Variants in RAB11A observed in about 807,000 individuals in gnomAD.
RAB11A encodes RAB11A, member RAS oncogene family.
In RAB11A, 9 loss-of-function variants were observed where a neutral mutation model predicts 28.0. The observed-to-expected ratio is 0.32, with a 90% CI of 0.19 to 0.56. The LOEUF is 0.56. RAB11A is among the 20% of genes least tolerant of loss of function. The probability of loss-of-function intolerance (pLI) is 0.91; values close to 1 mark genes in which losing one functional copy is unlikely to be tolerated. For synonymous variants in RAB11A, 85 were observed against 88.2 expected (o/e 0.96, Z 0.20); for missense variants, 108 against 269.6 (o/e 0.40, Z 4.20).
At position 65,869,530 on chromosome 15, in the gene RAB11A, C is replaced by A; in HGVS notation, c.-56C>A. On this transcript the variant is annotated 5_prime_UTR_variant, in exon 1 of 5. Coordinates refer to ENST00000261890, the MANE Select transcript of RAB11A (RefSeq NM_004663.5). The stretch of plus-strand genomic sequence containing the variant: ...GCTCGGGTTACCCCTGCAGCGACGC[C>A]CCCTGGTCCCACAGATACCACTGCT... 2 of 1,595,840 alleles carry A rather than the reference C, an allele frequency of 1.3e-6. No homozygotes were observed. The highest frequency in any genetic ancestry group is 1.7e-6 in the Non-Finnish European group (2 of 1,172,946).
rs775051038 is a variant in RAB11A, at chr15:65,869,574, C to T, written c.-12C>T. The T allele has an allele frequency of 5.6e-6, 9 of 1,610,444 alleles. No homozygotes were observed. In the African/African-American group the frequency reaches 1.1e-4, roughly 19 times the overall value. ...CACTGCTGCTCCCGCCCTTTCGCTC[C>T]TCGGCCGCGCAATGGGCACCCGCGA... On this transcript the variant is annotated 5_prime_UTR_variant, in exon 1 of 5. Transcript: ENST00000261890.
intron 1 of RAB11A, among the ~76,000 whole-genome samples, chr15:65,876,448 C>T (rs2078191903): frequency 6.6e-6 from 1 of 152,012 alleles, no homozygotes; most frequent in Admixed American, 6.6e-5. Context: ...ATGCGCCCAC[C>T]ACCACACCTG....
At chr15:65,884,302 T>G (rs1042909663) in intron 4 of RAB11A, among the ~76,000 whole-genome samples, 1 of 152,224 alleles carries the variant, frequency 6.6e-6, no homozygotes, top group Non-Finnish European at 1.5e-5. Context: ...AACTTGCATC[T>G]TTAAGCTTTC....
At chr15:65,872,917 G>T (rs989231747) in intron 1 of RAB11A, among the ~76,000 whole-genome samples, 1 of 152,284 alleles carries the variant, frequency 6.6e-6, no homozygotes, top group East Asian at 1.9e-4. Context: ...GAGATGGACT[G>T]CAGCTGTTTC....
intron 1 of RAB11A, chr15:65,869,865 C>T (rs1320165042): frequency 5.4e-6 from 2 of 371,482 alleles, no homozygotes; most frequent in Non-Finnish European, 9.6e-6. Flanking sequence ...GAGCCCCTCC[C>T]TGCGTGTCCT....
rs1449374167 is a variant in RAB11A at position 65,888,804 on chromosome 15, A to G, written c.*964A>G. 6.6e-6 allele frequency: 1 copy of G among 152,534 alleles called. No homozygotes were observed. The highest frequency in any genetic ancestry group is 2.4e-5 in the African/African-American group (1 of 41,422). 9.4% of individuals were successfully genotyped at this position (152,534 alleles called of 1,614,324 possible). A position where few individuals can be genotyped will look rare whatever the true frequency, so the allele number is the denominator to read the frequency against. ...GGATAATTATTTTAACAATGCTAATATTTGAGTTTTGCAGTATATTATAGA... is the reference window on the plus strand; with the variant it reads ...GGATAATTATTTTAACAATGCTAATGTTTGAGTTTTGCAGTATATTATAGA... On this transcript the variant is annotated 3_prime_UTR_variant, in exon 5 of 5. Coordinates refer to ENST00000261890, the MANE Select transcript of RAB11A (RefSeq NM_004663.5).
Position 65,879,755 on chromosome 15 carries a change from A to C in RAB11A, c.511+4A>C. The stretch of plus-strand genomic sequence containing the variant: ...GCTTTTCAGACAATTTTAACAGGTA[A>C]GACTTGTATTTTCAGATTACACCAG... On this transcript the variant is annotated splice_donor_region_variant and intron_variant, in intron 4 of 4. Coordinates refer to ENST00000261890, the MANE Select transcript of RAB11A (RefSeq NM_004663.5). The C allele has an allele frequency of 7.7e-6, 12 of 1,554,240 alleles. No individual in the cohort carries two copies. Among genetic ancestry groups the C allele is most frequent in the Non-Finnish European group, 1.1e-5 (12 of 1,127,796 alleles).
intron 4 of RAB11A, among the ~76,000 whole-genome samples, chr15:65,887,092 T>C (rs2078260301): frequency 6.6e-6 from 1 of 152,218 alleles, no homozygotes; most frequent in Non-Finnish European, 1.5e-5. Flanking sequence ...TTTGTTTGTT[T>C]TTTGGGGTAA....
At chr15:65,870,774 A>C (rs1270607936) in intron 1 of RAB11A, among the ~76,000 whole-genome samples, 1 of 152,146 alleles carries the variant, frequency 6.6e-6, no homozygotes, top group Non-Finnish European at 1.5e-5. Context: ...ATTATAAGAT[A>C]CGGAAACATG....
At chr15:65,885,829 A>G (rs111460441) in intron 4 of RAB11A, among the ~76,000 whole-genome samples, 33 of 152,384 alleles carry the variant, frequency 2.2e-4, no homozygotes, top group African/African-American at 6.5e-4. Flanking sequence ...GGGGAGAACC[A>G]GAGAGATGAC....
At chr15:65,885,743 A>C (rs760116967) in intron 4 of RAB11A, among the ~76,000 whole-genome samples, 1 of 152,322 alleles carries the variant, frequency 6.6e-6, no homozygotes, top group Non-Finnish European at 1.5e-5. Context: ...TGGAAAATCA[A>C]CTCACAAAAG....
intron 4 of RAB11A, among the ~76,000 whole-genome samples, chr15:65,883,455 T>G (rs1216081473): frequency 6.6e-6 from 1 of 152,254 alleles, no homozygotes; most frequent in African/African-American, 2.4e-5. Context: ...TCTCAGTGCA[T>G]CATATCAGCA....
chr15:65,879,689 T>C lies in RAB11A; in HGVS notation c.449T>C (p.Phe150Ser), dbSNP rs1412602889. Residue 150 changes from phenylalanine to serine, a missense_variant, in exon 4 of 5, where the codon TTC becomes TCC. Around this residue, in one of 2 missense-constraint regions of RAB11A, gnomAD observed 85 missense variants for 145.9 expected, o/e 0.58. Coordinates refer to ENST00000261890, the MANE Select transcript of RAB11A (RefSeq NM_004663.5). ...CCCTCAGAAAAGAATGGTTTGTCAT[T>C]CATTGAAACTTCGGCCCTAGACTCT... is the stretch of plus-strand genomic sequence containing the variant. ...RAFAEKNGLS[F>S]IETSALDSTN... The C allele has an allele frequency of 6.3e-7, 1 of 1,596,502 alleles. No homozygotes were observed. The highest frequency in any genetic ancestry group is 8.6e-7 in the Non-Finnish European group (1 of 1,165,602).
At chr15:65,883,863 A>G (rs2078237462) in intron 4 of RAB11A, among the ~76,000 whole-genome samples, 1 of 152,124 alleles carries the variant, frequency 6.6e-6, no homozygotes, top group Non-Finnish European at 1.5e-5. Context: ...TGCTTTTGGT[A>G]TGTCAGAAAA....
At chr15:65,871,817 C>T (rs2078162617) in intron 1 of RAB11A, among the ~76,000 whole-genome samples, 1 of 147,880 alleles carries the variant, frequency 6.8e-6, no homozygotes, top group Non-Finnish European at 1.5e-5. Flanking sequence ...ATACCTGCCT[C>T]TTAAGATTGT....
At chr15:65,875,139 C>T (rs953314895) in intron 1 of RAB11A, among the ~76,000 whole-genome samples, 17 of 152,140 alleles carry the variant, frequency 1.1e-4, no homozygotes, top group African/African-American at 4.1e-4. Flanking sequence ...GGTGCACAGT[C>T]CAGGCTCACC....
Position 65,877,765 on chromosome 15 carries a change from T to C in RAB11A, c.240T>C (p.Tyr80=). The change falls in exon 3 of 5, where the codon TAT becomes TAC. Residue 80 remains tyrosine, a synonymous_variant. Transcript: ENST00000261890. This position sits in a 1 kb window ranked among gnomAD's most constrained non-coding sequence, Gnocchi z 4.1. ...CTAAATATGTTTCTGTTTTCAGATA[T>C]TATCGTGGAGCTGTAGGTGCCTTAT... ...QERYRAITSA[Y]YRGAVGALLV... 1.9e-6 allele frequency: 3 copies of C among 1,587,414 alleles called. No homozygotes were observed. The highest frequency in any genetic ancestry group is 2.2e-5 in the East Asian group (1 of 44,636).
Position 65,879,728 on chromosome 15 carries a change from C to G in RAB11A, c.488C>G (p.Ala163Gly), listed in dbSNP as rs201908439. ...GCCCTAGACTCTACAAATGTAGAAG[C>G]TGCTTTTCAGACAATTTTAACAGGT... ...TSALDSTNVE[A>G]AFQTILTEIY... The change falls in exon 4 of 5, where the codon GCT (alanine) becomes GGT (glycine). Residue 163 changes from alanine to glycine, a missense_variant. Transcript: ENST00000261890. 101 of 1,590,768 alleles carry G rather than the reference C, an allele frequency of 6.3e-5. No individual in the cohort carries two copies. Among genetic ancestry groups the G allele is most frequent in the South Asian group, 1.1e-5 (1 of 90,296 alleles).
At chr15:65,879,871 C>G in intron 4 of RAB11A, 120 bp downstream of exon 4, 1 of 751,298 alleles carries the variant, frequency 1.3e-6, no homozygotes, top group Non-Finnish European at 2.1e-6. Flanking sequence ...TTGAGAGCTA[C>G]TCTAGCAAAA....
Sources: allele counts gnomAD v4.1 joint callset (sites outside exome capture counted in the v4.1 genomes callset), GRCh38; gene constraint gnomAD v4.1.1; regional missense constraint gnomAD v4.1.1; non-coding constraint Gnocchi (gnomAD v3.1); transcripts MANE v1.5; gene names NCBI Gene and HGNC (gene_info 2026-07-23, HGNC 2026-07-21).